Variants in RORA observed in about 807,000 individuals in gnomAD.
The protein encoded by RORA is RAR related orphan receptor A.
In RORA, 7 loss-of-function variants were observed where a neutral mutation model predicts 69.5. That is an observed-to-expected ratio of 0.10 (90% CI 0.06 to 0.19). The LOEUF (loss-of-function observed/expected upper bound fraction) is 0.19. Ranked by LOEUF, RORA falls within the 10% of genes least tolerant of loss-of-function variation. The probability of loss-of-function intolerance (pLI) is 1.00; values close to 1 mark genes in which losing one functional copy is unlikely to be tolerated. For missense variants in RORA, 457 were observed against 663.0 expected, an observed-to-expected ratio of 0.69 and a Z score of 3.41; for synonymous variants, 261 against 240.8, an observed-to-expected ratio of 1.08 and a Z score of -0.78.
At chr15:61,006,880 T>C (rs1046553207) in intron 1 of RORA, among the ~76,000 whole-genome samples, 2 of 152,154 alleles carry the variant, frequency 1.3e-5, no homozygotes, top group Admixed American at 6.5e-5. Context: ...CTAGAAAATG[T>C]ATCCTCTTGA....
rs1034563846 is a variant in RORA, at chr15:60,488,415, A to G, written c.*9040T>C. On this transcript the variant is annotated 3_prime_UTR_variant, in exon 11 of 11. Transcript: ENST00000335670. ...CAGTTTCTAAGTACAATATAACAAC[A>G]TTCATATTAGAATGAAAATTGGAGT... The G allele has an allele frequency of 3.9e-5, 6 of 152,234 alleles. No individual in the cohort carries two copies. Among genetic ancestry groups the G allele is most frequent in the Non-Finnish European group, 7.3e-5 (5 of 68,040 alleles). The allele number at this position is 152,234 out of a possible 1,614,324, so 9.4% of individuals were successfully genotyped here. A position where few individuals can be genotyped will look rare whatever the true frequency, so the allele number is the denominator to read the frequency against.
chr15:60,627,594 G>A, intron 2 of RORA: 1 of 1,187,594 alleles, frequency 8.4e-7, no homozygotes, highest in Non-Finnish European at 1.1e-6. Flanking sequence ...TCCCATAATT[G>A]TTGACTAAAT....
intron 2 of RORA, among the ~76,000 whole-genome samples, chr15:60,542,514 CAT>C (rs2066909683): frequency 1.0e-5 from 1 of 97,200 alleles, no homozygotes; most frequent in African/African-American, 4.5e-5. Flanking sequence ...ACATCTCACA[CAT>C]GGCACACATG....
rs2073754766 is a variant in RORA, at chr15:60,886,758, G to T, written c.167-208072C>A. Reference sequence around the variant, plus strand: ...CTTAAGACATTACTAAAAGGACTGTGTCCTCATCCAGGTTTTGCAATGGGG... The same window carrying T: ...CTTAAGACATTACTAAAAGGACTGTTTCCTCATCCAGGTTTTGCAATGGGG... On this transcript the variant is annotated intron_variant, in intron 1 of 10. Coordinates refer to ENST00000335670, the MANE Select transcript of RORA (RefSeq NM_134261.3). 2.0e-5 allele frequency among the ~76,000 whole-genome samples: 3 copies of T among 152,348 alleles called. No homozygotes were observed. The South Asian group carries it at 6.2e-4, about 32-fold the overall frequency.
chr15:60,889,807 A>G (rs2073794284), intron 1 of RORA, among the ~76,000 whole-genome samples: 1 of 152,232 alleles, frequency 6.6e-6, no homozygotes, highest in Non-Finnish European at 1.5e-5. Flanking sequence ...CCAGAGTTAA[A>G]TTTCTATGTA....
chr15:60,712,820 A>G (rs968895569), intron 1 of RORA, among the ~76,000 whole-genome samples: 2 of 152,282 alleles, frequency 1.3e-5, no homozygotes, highest in Non-Finnish European at 2.9e-5. Context: ...GAGAATTCAC[A>G]TTGTTGTTCA....
intron 1 of RORA, among the ~76,000 whole-genome samples, chr15:60,785,402 G>A (rs1038924197): frequency 2.0e-5 from 3 of 152,194 alleles, no homozygotes; most frequent in Non-Finnish European, 4.4e-5. Context: ...AAATGAATAG[G>A]TAAACAGAGA....
At chr15:60,729,590 T>C (rs1380194869) in intron 1 of RORA, among the ~76,000 whole-genome samples, 1 of 152,194 alleles carries the variant, frequency 6.6e-6, no homozygotes, top group Non-Finnish European at 1.5e-5. Context: ...TGCAAATAAA[T>C]TTAAATACAA....
chr15:60,927,759 G>A (rs1327635052), intron 1 of RORA, among the ~76,000 whole-genome samples: 1 of 152,184 alleles, frequency 6.6e-6, no homozygotes, highest in Non-Finnish European at 1.5e-5. Flanking sequence ...GGGTGACAGA[G>A]GAAGACTCTG....
chr15:60,928,606 C>T (rs141267182), intron 1 of RORA, among the ~76,000 whole-genome samples: 128 of 152,252 alleles, frequency 8.4e-4, no homozygotes, highest in African/African-American at 3.0e-3. Context: ...TTTTCTTATA[C>T]CCCTTAGAAC....
intron 1 of RORA, among the ~76,000 whole-genome samples, chr15:60,747,694 T>G (rs764706109): frequency 1.3e-5 from 2 of 152,110 alleles, no homozygotes; most frequent in Non-Finnish European, 2.9e-5. Flanking sequence ...AGTATGTGAT[T>G]GCTGGAGGAC....
intron 1 of RORA, among the ~76,000 whole-genome samples, chr15:60,965,582 T>C (rs1893532896): frequency 6.6e-6 from 1 of 152,218 alleles, no homozygotes; most frequent in Non-Finnish European, 1.5e-5. Context: ...AAAGCCATTT[T>C]ACATCTTTGT....
chr15:60,700,543 G>A (rs1302024374), intron 1 of RORA, among the ~76,000 whole-genome samples: 1 of 150,516 alleles, frequency 6.6e-6, no homozygotes, highest in African/African-American at 2.5e-5. Flanking sequence ...CTTCATGACG[G>A]GGAAAGAACA....
chr15:61,139,434 A>C (rs1394792583), intron 1 of RORA, among the ~76,000 whole-genome samples: 1 of 152,214 alleles, frequency 6.6e-6, no homozygotes. Context: ...AAAACAAACC[A>C]ACAAAGTAAT....
In RORA at chr15:60,558,262, A is replaced by G. The variant is rs754819116; in HGVS notation, c.197-26411T>C. 9 of 1,612,560 alleles carry G rather than the reference A, an allele frequency of 5.6e-6. No homozygotes were observed. The East Asian group carries it at 2.0e-4, about 36-fold the overall frequency. ...AAGAACAAAAGCATCACCTGAAGAC[A>G]GGATACACTGATGGAGTATTTGGAG... On this transcript the variant is annotated intron_variant, in intron 2 of 10. Coordinates refer to ENST00000335670, the MANE Select transcript of RORA (RefSeq NM_134261.3).
At chr15:60,794,625 T>C (rs1055813998) in intron 1 of RORA, among the ~76,000 whole-genome samples, 5 of 152,170 alleles carry the variant, frequency 3.3e-5, no homozygotes, top group Admixed American at 2.6e-4. Context: ...GTCCCCAATA[T>C]CCCTATGAGC....
chr15:60,762,449 C>A (rs2071908725), intron 1 of RORA, among the ~76,000 whole-genome samples: 1 of 152,146 alleles, frequency 6.6e-6, no homozygotes, highest in South Asian at 2.1e-4. Flanking sequence ...GGGCCTTGCC[C>A]CATCTATGGT....
At chr15:61,175,421 T>C (rs1207210807) in intron 1 of RORA, among the ~76,000 whole-genome samples, 1 of 151,260 alleles carries the variant, frequency 6.6e-6, no homozygotes, top group Non-Finnish European at 1.5e-5. Context: ...ATTTTAAAGA[T>C]AGGGGCCAGG....
chr15:60,493,566 C>T lies in RORA; in HGVS notation c.*3889G>A, dbSNP rs563684666. On this transcript the variant is annotated 3_prime_UTR_variant, in exon 11 of 11. Transcript: ENST00000335670. ...CTAAAACTAAAAACACACATTTCTA[C>T]TATGGCACATTCAATGAAATAAAAA... is the stretch of plus-strand genomic sequence containing the variant. The T allele has an allele frequency of 1.7e-3, 260 of 152,180 alleles. No homozygotes were observed. The highest frequency in any genetic ancestry group is 5.8e-3 in the African/African-American group (242 of 41,540). 9.4% of individuals were successfully genotyped at this position (152,180 alleles called of 1,614,324 possible).
Sources: allele counts gnomAD v4.1 joint callset (sites outside exome capture counted in the v4.1 genomes callset), GRCh38; gene constraint gnomAD v4.1.1; transcripts MANE v1.5; gene names NCBI Gene and HGNC (gene_info 2026-07-23, HGNC 2026-07-21).